The following ATP13A4 variants were observed in gnomAD, a reference collection of about 807,000 sequenced individuals.
The protein encoded by ATP13A4 is ATPase 13A4.
ATP13A4 carries 114 observed loss-of-function variants against 142.5 expected under a neutral mutation model. That is an observed-to-expected ratio of 0.80 (90% CI 0.69 to 0.93). The LOEUF (loss-of-function observed/expected upper bound fraction) is 0.93. ATP13A4 is among the 40% of genes least tolerant of loss of function. ATP13A4 has a pLI of 0.00. For synonymous variants in ATP13A4, 488 were observed against 514.8 expected (o/e 0.95, Z 0.70); for missense variants, 1,392 against 1,454.0 (o/e 0.96, Z 0.69).
chr3:193,481,242 AAAAT>A (rs1351046541), intron 8 of ATP13A4, among the ~76,000 whole-genome samples: 2 of 152,170 alleles, frequency 1.3e-5, no homozygotes, highest in Non-Finnish European at 2.9e-5. Flanking sequence ...TTCATATACC[AAAAT>A]AAATAAATAA....
intron 1 of ATP13A4, among the ~76,000 whole-genome samples, chr3:193,532,595 T>C (rs1048651776): frequency 1.3e-5 from 2 of 151,978 alleles, no homozygotes; most frequent in South Asian, 4.2e-4. Context: ...ATTGATAGAA[T>C]CATTCATAAA....
intron 1 of ATP13A4, among the ~76,000 whole-genome samples, chr3:193,520,689 A>G (rs1265568931): frequency 6.6e-6 from 1 of 151,460 alleles, no homozygotes; most frequent in Non-Finnish European, 1.5e-5. Flanking sequence ...ACTACTTTGC[A>G]AAAAAAAATT....
chr3:193,430,964 A>G (rs1409639803), intron 25 of ATP13A4, among the ~76,000 whole-genome samples: 2 of 152,068 alleles, frequency 1.3e-5, no homozygotes, highest in Non-Finnish European at 2.9e-5. Context: ...TGCACAAGGG[A>G]GCTGGCATTG....
chr3:193,554,902 G>A, upstream of ATP13A4: 4 of 1,610,502 alleles, frequency 2.5e-6, no homozygotes, highest in Non-Finnish European at 3.4e-6. Context: ...GACTAAAAGA[G>A]TTAATGATCC....
chr3:193,437,167 T>C lies in ATP13A4; in HGVS notation c.2672+1308A>G, dbSNP rs186590950. Among the ~76,000 whole-genome samples the C allele has an allele frequency of 3.3e-4, 50 of 149,916 alleles. 2 individuals carry two copies. In the East Asian group the frequency reaches 4.8e-3, roughly 14 times the overall value. On this transcript the variant is annotated intron_variant, in intron 23 of 29. Transcript: ENST00000342695. ...TTTTTTCTGTATCAGAGTTTTGCCGTGACATTTCCTCTGCCCAGAGGTAGT... is the reference window on the plus strand; with the variant it reads ...TTTTTTCTGTATCAGAGTTTTGCCGCGACATTTCCTCTGCCCAGAGGTAGT...
chr3:193,559,680 C>G (rs965636870), upstream of ATP13A4, among the ~76,000 whole-genome samples: 1 of 152,232 alleles, frequency 6.6e-6, no homozygotes, highest in African/African-American at 2.4e-5. Flanking sequence ...GATGCTGTCT[C>G]TGCTTCTCAG....
chr3:193,549,243 C>T (rs1209259608), intron 1 of ATP13A4, among the ~76,000 whole-genome samples: 1 of 151,654 alleles, frequency 6.6e-6, no homozygotes, highest in Non-Finnish European at 1.5e-5. Flanking sequence ...TAGGCCTTTA[C>T]CTTAAGGAAA....
chr3:193,545,950 T>G (rs182625809), intron 1 of ATP13A4, among the ~76,000 whole-genome samples: 1 of 151,936 alleles, frequency 6.6e-6, no homozygotes, highest in Non-Finnish European at 1.5e-5. Context: ...ACAGCGATTT[T>G]ATCTGTTTTC....
At position 193,467,390 on chromosome 3, in the gene ATP13A4, A is replaced by G. The variant is rs202047223; in HGVS notation, c.1040T>C (p.Leu347Pro). ...CTGGATAACCTCTGTTCCACAGAAG[A>G]GGACATGCCGCTTGTAATCCGCTTC... ...QSEADYKRHV[L>P]FCGTEVIQAK... The change falls in exon 10 of 30, where the codon CTC becomes CCC. Residue 347 changes from leucine to proline, a missense_variant. By Grantham distance (98) the Leu-to-Pro change is moderately conservative. Transcript: ENST00000342695. 1.5e-5 allele frequency: 24 copies of G among 1,614,026 alleles called. No individual in the cohort carries two copies. The highest frequency in any genetic ancestry group is 1.7e-5 in the Non-Finnish European group (20 of 1,180,032).
In ATP13A4 at chr3:193,448,218, C is replaced by T. The variant is rs1471753664; in HGVS notation, c.2140G>A (p.Val714Ile). The T allele has an allele frequency of 8.7e-6, 14 of 1,613,996 alleles. No individual in the cohort carries two copies. Among genetic ancestry groups the T allele is most frequent in the East Asian group, 2.2e-5 (1 of 44,900 alleles). The change falls in exon 18 of 30, where the codon GTA becomes ATA. Residue 714 changes from valine to isoleucine, a missense_variant. Val to Ile is a conservative substitution (Grantham distance 29, BLOSUM62 3). Coordinates refer to ENST00000342695, the MANE Select transcript of ATP13A4 (RefSeq NM_032279.4). The part of the protein sequence containing the change: ...EELISARIRT[V>I]MITGDNLQTA... The stretch of plus-strand genomic sequence containing the variant: ...CTTTGTTTCATACCTGTGATCATTA[C>T]AGTCCTTATCCGGGCTGAGATGAGC...
At chr3:193,467,041 C>T (rs1281867646) in intron 10 of ATP13A4, among the ~76,000 whole-genome samples, 1 of 151,878 alleles carries the variant, frequency 6.6e-6, no homozygotes, top group Non-Finnish European at 1.5e-5. Flanking sequence ...ACTTAAAATG[C>T]ATAATTGGAT....
intron 3 of ATP13A4, among the ~76,000 whole-genome samples, chr3:193,499,468 A>G (rs1577025787): frequency 6.6e-6 from 1 of 152,256 alleles, no homozygotes; most frequent in African/African-American, 2.4e-5. Flanking sequence ...TTCACACGTT[A>G]TGTTTAGTCT....
At position 193,457,036 on chromosome 3, in the gene ATP13A4, G is replaced by C; in HGVS notation, c.1879C>G (p.Pro627Ala). The stretch of plus-strand genomic sequence containing the variant: ...TGGCAAAAGCTGGCCACCCTCTCTG[G>C]TGCACCTTTCATGAATGCCAGTCGG... ...GDRLAFMKGA[P>A]ERVASFCQPE... Residue 627 changes from proline (P) to alanine (A), a missense_variant, in exon 16 of 30, where the codon CCA becomes GCA. Transcript: ENST00000342695. 4 of 1,614,102 alleles carry C rather than the reference G, an allele frequency of 2.5e-6. No homozygotes were observed. Among genetic ancestry groups the C allele is most frequent in the Non-Finnish European group, 3.4e-6 (4 of 1,180,008 alleles).
At chr3:193,485,320 A>T (rs1403821070) in intron 7 of ATP13A4, among the ~76,000 whole-genome samples, 1 of 151,656 alleles carries the variant, frequency 6.6e-6, no homozygotes. Context: ...GTACAGGTGG[A>T]GCAGCAGTTA....
chr3:193,467,417 C>T lies in ATP13A4; in HGVS notation c.1013G>A (p.Ser338Asn), dbSNP rs779343929. The change falls in exon 10 of 30, where the codon AGT becomes AAT. Residue 338 changes from serine to asparagine, a missense_variant. Transcript: ENST00000342695. ...MDSSVPWKTQ[S>N]EADYKRHVLF... ...GACATGCCGCTTGTAATCCGCTTCA[C>T]TCTGTGTTTTCCAGGGCACAGAGCT... 1 of 1,614,070 alleles carries T rather than the reference C, an allele frequency of 6.2e-7. No homozygotes were observed. Among genetic ancestry groups the T allele is most frequent in the South Asian group, 1.1e-5 (1 of 91,076 alleles).
intron 1 of ATP13A4, among the ~76,000 whole-genome samples, chr3:193,522,897 T>A (rs976477610): frequency 5.9e-5 from 9 of 152,242 alleles, no homozygotes; most frequent in African/African-American, 2.2e-4. Flanking sequence ...TCTGATGATG[T>A]CTTTAGTATA....
intron 25 of ATP13A4, among the ~76,000 whole-genome samples, chr3:193,422,669 T>C (rs1715466034): frequency 6.7e-6 from 1 of 149,478 alleles, no homozygotes; most frequent in African/African-American, 2.5e-5. Context: ...AGTTAAAAAA[T>C]TTTTAGAGAA....
chr3:193,531,459 T>C (rs1251720247), intron 1 of ATP13A4, among the ~76,000 whole-genome samples: 1 of 151,710 alleles, frequency 6.6e-6, no homozygotes, highest in Non-Finnish European at 1.5e-5. Context: ...AAAATGTTGA[T>C]AGAATTCACC....
At chr3:193,534,003 C>T (rs536661961) in intron 1 of ATP13A4, among the ~76,000 whole-genome samples, 275 of 152,270 alleles carry the variant, frequency 1.8e-3, no homozygotes, top group African/African-American at 6.3e-3. Context: ...TTCCTAACTA[C>T]CCCCTTTCAT....
Sources: allele counts gnomAD v4.1 joint callset (sites outside exome capture counted in the v4.1 genomes callset), GRCh38; gene constraint gnomAD v4.1.1; transcripts MANE v1.5; gene names NCBI Gene and HGNC (gene_info 2026-07-23, HGNC 2026-07-21).